The following PLEKHA5 variants were observed in gnomAD, a reference collection of about 807,000 sequenced individuals.
PLEKHA5 encodes the protein pleckstrin homology domain containing A5.
Under a neutral mutation model 181.9 loss-of-function variants are expected in PLEKHA5, and 55 were observed. That is an observed-to-expected ratio of 0.30 (90% CI 0.24 to 0.38). PLEKHA5 has a LOEUF of 0.38. Among genes scored for constraint, PLEKHA5 ranks in the 10% least tolerant of loss-of-function variants. PLEKHA5 has a pLI of 1.00. For missense variants in PLEKHA5, 1,432 were observed against 1,549.5 expected, an observed-to-expected ratio of 0.92 and a Z score of 1.27; for synonymous variants, 535 against 529.4, an observed-to-expected ratio of 1.01 and a Z score of -0.15.
At position 19,354,005 on chromosome 12, in the gene PLEKHA5, AT is replaced by A; in HGVS notation, c.3138+6del. 7.4e-7 allele frequency: 1 copy of A among 1,343,164 alleles called. No individual in the cohort carries two copies. The highest frequency in any genetic ancestry group is 1.1e-6 in the Non-Finnish European group (1 of 937,740). The allele number at this position is 1,343,164 out of a possible 1,614,324, so 83.2% of individuals were successfully genotyped here. A position where few individuals can be genotyped will look rare whatever the true frequency, so the allele number is the denominator to read the frequency against. On this transcript the variant is annotated splice_donor_region_variant and intron_variant, in intron 26 of 31. Transcript: ENST00000429027. ...AGAAGATGATGGATCTAAGAACGGTATTTAACTGGAAATTAATCTTCTAGGA... is the reference window on the plus strand; with the variant it reads ...AGAAGATGATGGATCTAAGAACGGTATTAACTGGAAATTAATCTTCTAGGA...
chr12:19,345,362 T>C (rs2094249638), intron 22 of PLEKHA5, among the ~76,000 whole-genome samples: 1 of 150,160 alleles, frequency 6.7e-6, no homozygotes, highest in Admixed American at 6.7e-5. Context: ...ATCTTGCCAC[T>C]GCACTCCAGC....
intron 30 of PLEKHA5, among the ~76,000 whole-genome samples, chr12:19,367,298 C>A (rs1258291994): frequency 8.0e-6 from 1 of 124,672 alleles, no homozygotes; most frequent in African/African-American, 3.1e-5. Flanking sequence ...CTCTTTCACC[C>A]AGGCTGGAGT....
chr12:19,193,145 C>T (rs1379158531), intron 3 of PLEKHA5, among the ~76,000 whole-genome samples: 2 of 152,152 alleles, frequency 1.3e-5, no homozygotes, highest in South Asian at 2.1e-4. Context: ...TGCATAAATC[C>T]AAGGACAGTA....
At position 19,370,481 on chromosome 12, in the gene PLEKHA5, A is replaced by G. The variant is rs574451400; in HGVS notation, c.*11+683A>G. On this transcript the variant is annotated intron_variant, in intron 31 of 31. Coordinates refer to ENST00000429027, the MANE Select transcript of PLEKHA5 (RefSeq NM_001256470.2). The stretch of plus-strand genomic sequence containing the variant: ...TTTTAACCTAGAATTTAGTACTTAT[A>G]GCGTACTCTAAAAGTTTTTTAACTT... Among the ~76,000 whole-genome samples, 8 of 152,254 alleles carry G rather than the reference A, an allele frequency of 5.3e-5. No homozygotes were observed. The South Asian group carries it at 1.5e-3, about 28-fold the overall frequency.
intron 31 of PLEKHA5, among the ~76,000 whole-genome samples, chr12:19,374,966 T>TAAC (rs1271501682): frequency 6.6e-6 from 1 of 151,294 alleles, no homozygotes; most frequent in Non-Finnish European, 1.5e-5. Flanking sequence ...AAAATGATGA[T>TAAC]AATAATAATA....
chr12:19,331,056 T>C (rs934363855), intron 20 of PLEKHA5, among the ~76,000 whole-genome samples: 5 of 152,176 alleles, frequency 3.3e-5, no homozygotes, highest in Non-Finnish European at 5.9e-5. Context: ...TTTCTTAAAT[T>C]AAAACTTAGA....
At chr12:19,221,839 G>A (rs535047918) in intron 3 of PLEKHA5, among the ~76,000 whole-genome samples, 48 of 152,222 alleles carry the variant, frequency 3.2e-4, no homozygotes, top group Non-Finnish European at 6.3e-4. Context: ...AAAGTCTGGG[G>A]AACTATCATA....
chr12:19,216,522 G>C (rs1026694039), intron 3 of PLEKHA5, among the ~76,000 whole-genome samples: 1 of 152,042 alleles, frequency 6.6e-6, no homozygotes, highest in African/African-American at 2.4e-5. Flanking sequence ...AATTAGCCAG[G>C]CGTGGTAGCA....
intron 20 of PLEKHA5, among the ~76,000 whole-genome samples, chr12:19,324,491 GCTAATAAATAATATAC>G (rs2091642513): frequency 6.6e-6 from 1 of 152,036 alleles, no homozygotes; most frequent in Non-Finnish European, 1.5e-5. Flanking sequence ...AGGTTACAAA[GCTAATAAATAATATAC>G]CTAAAACTCA....
chr12:19,264,379 G>A (rs2069589371), intron 7 of PLEKHA5, among the ~76,000 whole-genome samples: 1 of 151,306 alleles, frequency 6.6e-6, no homozygotes, highest in African/African-American at 2.5e-5. Context: ...ATGGGACATA[G>A]AAGGATGTAT....
chr12:19,367,258 CTTTTTTTTTTTTTTT>C (rs376634416), intron 30 of PLEKHA5, among the ~76,000 whole-genome samples: 4 of 72,012 alleles, frequency 5.6e-5, no homozygotes, highest in South Asian at 5.7e-4. Flanking sequence ...TTTGCTTCTT[CTTTTTTTTTTTTTTT>C]TTTTTTTTTT....
chr12:19,330,298 G>A lies in PLEKHA5; in HGVS notation c.2449-6217G>A, dbSNP rs534589203. On this transcript the variant is annotated intron_variant, in intron 20 of 31. Coordinates refer to ENST00000429027, the MANE Select transcript of PLEKHA5 (RefSeq NM_001256470.2). The stretch of plus-strand genomic sequence containing the variant: ...GCTAAAACATAGAATGACTACAATT[G>A]TGGTCATAAACTAGAAATTTAAAAT... 5.3e-5 allele frequency among the ~76,000 whole-genome samples: 8 copies of A among 152,290 alleles called. No individual in the cohort carries two copies. The East Asian group carries it at 1.5e-3, about 29-fold the overall frequency.
chr12:19,257,517 C>A lies in PLEKHA5; in HGVS notation c.517C>A (p.Arg173=). Residue 173 remains arginine, a synonymous_variant, in exon 6 of 32, where the codon CGA becomes AGA. Transcript: ENST00000429027. ...GAATCCTAATGCACCGGTTGTCAGA[C>A]GAGGTTGGCTTTATAAACAGGTATT... ...KRNPNAPVVR[R]GWLYKQDSTG... 1.3e-6 allele frequency: 2 copies of A among 1,587,462 alleles called. No individual in the cohort carries two copies. The highest frequency in any genetic ancestry group is 1.7e-6 in the Non-Finnish European group (2 of 1,165,084).
intron 25 of PLEKHA5, 103 bp from the exon 26 acceptor site, chr12:19,353,781 T>C (rs2094746047): frequency 1.4e-6 from 1 of 704,828 alleles, no homozygotes; most frequent in African/African-American, 1.8e-5. Context: ...TTTAAATAAA[T>C]TTGCTTTCTG....
chr12:19,179,983 T>A (rs1236620857), intron 3 of PLEKHA5, among the ~76,000 whole-genome samples: 1 of 152,178 alleles, frequency 6.6e-6, no homozygotes, highest in African/African-American at 2.4e-5. Flanking sequence ...TACAGGCATG[T>A]GCCATGCACC....
chr12:19,348,178 C>T (rs914013339), intron 24 of PLEKHA5, among the ~76,000 whole-genome samples: 22 of 152,216 alleles, frequency 1.4e-4, no homozygotes, highest in Admixed American at 5.2e-4. Flanking sequence ...CCACTGCACC[C>T]GGCCAGAAAT....
Position 19,129,788 on chromosome 12 carries a change from T to G in PLEKHA5, c.-12T>G, listed in dbSNP as rs569450488. On this transcript the variant is annotated 5_prime_UTR_variant, in exon 1 of 32. Transcript: ENST00000429027. ...AGCAGGAGAAGGCGGCGGCGGCGGC[T>G]AGGGATCAGACATGGCGGCGGATCT... 8 of 1,588,396 alleles carry G rather than the reference T, an allele frequency of 5.0e-6. No homozygotes were observed. The South Asian group carries it at 9.0e-5, about 18-fold the overall frequency.
rs979988752 is a variant in PLEKHA5 at position 19,369,683 on chromosome 12, T to G, written c.3755-10T>G. ...TTTTTATCTTCTCCCATTTTCTTTG[T>G]GTGTTTTAGTGAAAAGTCTGTCCCC... On this transcript the variant is annotated splice_polypyrimidine_tract_variant and intron_variant, in intron 30 of 31. Coordinates refer to ENST00000429027, the MANE Select transcript of PLEKHA5 (RefSeq NM_001256470.2). 6.4e-7 allele frequency: 1 copy of G among 1,561,958 alleles called. No homozygotes were observed.
intron 15 of PLEKHA5, among the ~76,000 whole-genome samples, chr12:19,301,162 A>G (rs1216415225): frequency 6.6e-6 from 1 of 152,264 alleles, no homozygotes; most frequent in East Asian, 1.9e-4. Flanking sequence ...AAAATAAAAT[A>G]AAATTCAAGT....
Sources: allele counts gnomAD v4.1 joint callset (sites outside exome capture counted in the v4.1 genomes callset), GRCh38; gene constraint gnomAD v4.1.1; transcripts MANE v1.5; gene names NCBI Gene and HGNC (gene_info 2026-07-23, HGNC 2026-07-21).